The following PKD1 variants were observed in gnomAD, a reference collection of about 807,000 sequenced individuals.
The protein encoded by PKD1 is polycystin 1, transient receptor potential channel interacting.
PKD1 carries 81 observed loss-of-function variants against 361.7 expected under a neutral mutation model. The observed-to-expected ratio is 0.22, with a 90% CI of 0.19 to 0.27. The LOEUF (loss-of-function observed/expected upper bound fraction) is 0.27, where lower values mean the gene tolerates loss of function less well. PKD1 is among the 10% of genes least tolerant of loss of function. The pLI, the probability that PKD1 is intolerant of heterozygous loss-of-function variation, is 1.00. For synonymous variants in PKD1, 3,615 were observed against 2,818.3 expected, an observed-to-expected ratio of 1.28 and a Z score of -8.95; for missense variants, 6,399 against 6,118.3, an observed-to-expected ratio of 1.05 and a Z score of -1.53.
Position 2,113,256 on chromosome 16 carries a change from C to A in PKD1, c.2890G>T (p.Val964Phe), listed in dbSNP as rs770753811. Residue 964 changes from valine (V) to phenylalanine (F), a missense_variant, in exon 12 of 46, where the codon GTC (valine) becomes TTC (phenylalanine). Transcript: ENST00000262304. The stretch of plus-strand genomic sequence containing the variant: ...TTGTCGTTGATGGTCCACCGGAAGA[C>A]CATGTCCGAGCCGGCCTCCACCACG... ...SPVVEAGSDM[V>F]FRWTINDKQS... is the part of the protein sequence containing the mutation. 3.2e-6 allele frequency: 5 copies of A among 1,570,854 alleles called. No individual in the cohort carries two copies. Among genetic ancestry groups the A allele is most frequent in the East Asian group, 4.5e-5 (2 of 44,726 alleles).
At chr16:2,091,397 CG>C in intron 42 of PKD1, 25 bp downstream of exon 42, 2 of 1,100,246 alleles carry the variant, frequency 1.8e-6, no homozygotes, top group Non-Finnish European at 2.2e-6. Context: ...GTGGGAGGCG[CG>C]GGGTCTGGCC....
rs544100161 is a variant in PKD1 at position 2,103,277 on chromosome 16, G to C, written c.8780C>G (p.Thr2927Arg). ...AAGLHLQLNYTLLDGHYLSEE... is the reference protein window; with the variant it reads ...AAGLHLQLNYRLLDGHYLSEE... The stretch of plus-strand genomic sequence containing the variant: ...CCCGCTGCACGCACCGTCCAGCAGC[G>C]TATAGTTGAGCTGCAGATGCAGCCC... The change falls in exon 23 of 46, where the codon ACG becomes AGG. Residue 2927 changes from threonine (T) to arginine (R), a missense_variant. Physicochemically the swap from Thr to Arg is moderately conservative, Grantham distance 71. Transcript: ENST00000262304. 1 of 1,609,500 alleles carries C rather than the reference G, an allele frequency of 6.2e-7. No homozygotes were observed. The highest frequency in any genetic ancestry group is 1.3e-5 in the African/African-American group (1 of 74,840).
In PKD1 at chr16:2,103,914, T is replaced by G; in HGVS notation, c.8162-19A>C. 1.5e-6 allele frequency: 2 copies of G among 1,372,570 alleles called. No homozygotes were observed. The highest frequency in any genetic ancestry group is 1.9e-6 in the Non-Finnish European group (2 of 1,051,242). 85.0% of individuals were successfully genotyped at this position (1,372,570 alleles called of 1,614,324 possible). A position where few individuals can be genotyped will look rare whatever the true frequency, so the allele number is the denominator to read the frequency against. ...AGGTCTCCTGCAGACATGCGTGAGG[T>G]CAGTGCAGAGACAGGGAGGTAGAGG... is the stretch of plus-strand genomic sequence containing the variant. On this transcript the variant is annotated intron_variant, in intron 22 of 45. Coordinates refer to ENST00000262304, the MANE Select transcript of PKD1 (RefSeq NM_001009944.3).
intron 10 of PKD1, 163 bp downstream of exon 10, chr16:2,115,215 G>C: frequency 1.8e-6 from 1 of 564,358 alleles, no homozygotes; most frequent in Non-Finnish European, 2.2e-6. Context: ...CTCCCACTGG[G>C]AGAGGGCCGA....
At position 2,114,741 on chromosome 16, in the gene PKD1, G is replaced by T. The variant is rs1265315435; in HGVS notation, c.2282C>A (p.Thr761Asn). ...LPHLPAQLEG[T>N]WACPACALRL... ...CAGGGCACAGGCAGGGCAGGCCCAA[G>T]TGCCCTCCAGCTGGGCTGGCAAGTG... is the stretch of plus-strand genomic sequence containing the variant. Residue 761 changes from threonine to asparagine, a missense_variant, in exon 11 of 46, where the codon ACT (threonine) becomes AAT (asparagine). Transcript: ENST00000262304. 6.6e-7 allele frequency: 1 copy of T among 1,507,376 alleles called. No individual in the cohort carries two copies. The highest frequency in any genetic ancestry group is 8.9e-7 in the Non-Finnish European group (1 of 1,122,988). The allele number at this position is 1,507,376 out of a possible 1,614,324, so 93.4% of individuals were successfully genotyped here. A position where few individuals can be genotyped will look rare whatever the true frequency, so the allele number is the denominator to read the frequency against.
At chr16:2,107,484 A>T (rs2092382958) in intron 16 of PKD1, 2 of 373,900 alleles carry the variant, frequency 5.3e-6, no homozygotes, top group Non-Finnish European at 1.0e-5. Context: ...CAGCAGCAGG[A>T]GCAGCCACCA....
intron 21 of PKD1, among the ~76,000 whole-genome samples, chr16:2,105,011 G>A (rs1169103738): frequency 6.2e-5 from 7 of 112,130 alleles, no homozygotes; most frequent in African/African-American, 1.4e-4. Flanking sequence ...GGGGAGGAGG[G>A]GAGGGGCTAG....
At chr16:2,092,018 T>G (rs1420131603) in intron 40 of PKD1, 29 bp downstream of exon 40, 8 of 1,612,452 alleles carry the variant, frequency 5.0e-6, no homozygotes, top group Non-Finnish European at 6.8e-6. Context: ...GTCCTTGGCG[T>G]AGACGCCCGG....
chr16:2,092,453 G>C (rs768802201), intron 39 of PKD1, 27 bp downstream of exon 39: 2 of 1,456,862 alleles, frequency 1.4e-6, no homozygotes, highest in Admixed American at 3.4e-5. Context: ...AACGATTTAA[G>C]TCTTGGGGCA....
In PKD1 at chr16:2,089,626, G is replaced by A. The variant is rs953677462; in HGVS notation, c.*101C>T. The A allele has an allele frequency of 2.6e-5, 37 of 1,412,340 alleles. 1 individual carries two copies. Among genetic ancestry groups the A allele is most frequent in the African/African-American group, 5.7e-5 (4 of 70,488 alleles). 87.5% of individuals were successfully genotyped at this position (1,412,340 alleles called of 1,614,324 possible). On this transcript the variant is annotated 3_prime_UTR_variant, in exon 46 of 46. Transcript: ENST00000262304. The stretch of plus-strand genomic sequence containing the variant: ...CCTGCCTGCTCTCTGGGGAACCTAC[G>A]TGCAGCCATTCTGCCTGGCCCTCGG...
chr16:2,112,857 A>G lies in PKD1; in HGVS notation c.3092T>C (p.Leu1031Pro), dbSNP rs758865792. The G allele has an allele frequency of 2.5e-6, 4 of 1,605,924 alleles. No homozygotes were observed. The Admixed American group carries it at 6.7e-5, about 27-fold the overall frequency. ...GLQVSTVPAVLSPNATLALTA... is the reference protein window; with the variant it reads ...GLQVSTVPAVPSPNATLALTA... ...CAGTGCTAGCGTGGCATTGGGGGAC[A>G]GCACGGCCGGCACTGTGGAGACCTG... Residue 1031 changes from leucine to proline, a missense_variant, in exon 13 of 46, where the codon CTG (leucine) becomes CCG (proline). Leu to Pro is a moderately conservative substitution (Grantham distance 98). Transcript: ENST00000262304.
chr16:2,116,556 G>A lies in PKD1; in HGVS notation c.1695C>T (p.Gly565=), dbSNP rs1473791668. The A allele has an allele frequency of 1.3e-6, 2 of 1,561,298 alleles. No homozygotes were observed. The highest frequency in any genetic ancestry group is 2.3e-5 in the East Asian group (1 of 42,682). Residue 565 remains glycine (G), a synonymous_variant, in exon 8 of 46, where the codon GGC becomes GGT. Coordinates refer to ENST00000262304, the MANE Select transcript of PKD1 (RefSeq NM_001009944.3). ...GPLTPLAQQD[G]LSAPHEPVEV... is the part of the protein sequence containing the mutation. ...CCACGGGCTCGTGCGGGGCTGAGAG[G>A]CCGTCCTGCTGTGCCAGAGGCGTCA... is the stretch of plus-strand genomic sequence containing the variant.
chr16:2,129,071 C>A (rs374842840), intron 1 of PKD1, among the ~76,000 whole-genome samples: 1 of 151,914 alleles, frequency 6.6e-6, no homozygotes, highest in African/African-American at 2.4e-5. Flanking sequence ...CCATGTTGGT[C>A]AGGCTGGTCA....
rs1174731485 is a variant in PKD1 at position 2,118,335 on chromosome 16, C to T, written c.657G>A (p.Gln219=). 2 of 1,479,108 alleles carry T rather than the reference C, an allele frequency of 1.4e-6. No individual in the cohort carries two copies. The highest frequency in any genetic ancestry group is 2.8e-5 in the African/African-American group (2 of 71,926). The allele number at this position is 1,479,108 out of a possible 1,614,324, so 91.6% of individuals were successfully genotyped here. The change falls in exon 5 of 46, where the codon CAG becomes CAA. Residue 219 remains glutamine, a synonymous_variant. Transcript: ENST00000262304. The surrounding 1 kb of genome is among the most constrained non-coding windows in gnomAD (Gnocchi z 6.0). ...ACSAFCFSTG[Q]GLAALSEQGW... ...CCTGCTCCGAGAGGGCTGCGAGGCC[C>T]TGGCCGGTGGAGAAGCAGAAGGCGC...
rs1304501387 is a variant in PKD1 at position 2,100,115 on chromosome 16, G to A, written c.9713-44C>T. 29 of 1,604,784 alleles carry A rather than the reference G, an allele frequency of 1.8e-5. No homozygotes were observed. The highest frequency in any genetic ancestry group is 5.4e-5 in the African/African-American group (4 of 74,700). ...CGCACTGCAGGAGGCCACGGGGCAGGACCACCCTGCCCAACCTCCCACGGA... is the reference window on the plus strand; with the variant it reads ...CGCACTGCAGGAGGCCACGGGGCAGAACCACCCTGCCCAACCTCCCACGGA... On this transcript the variant is annotated intron_variant, in intron 28 of 45. Transcript: ENST00000262304. The surrounding 1 kb of genome is among the most constrained non-coding windows in gnomAD (Gnocchi z 4.4).
Position 2,111,337 on chromosome 16 carries a change from G to A in PKD1, c.3830C>T (p.Ala1277Val), listed in dbSNP as rs2575315. The A allele has an allele frequency of 3.1e-6, 5 of 1,608,952 alleles. No individual in the cohort carries two copies. The Admixed American group carries it at 5.0e-5, about 16-fold the overall frequency. ...CCGGGCCAGGTGGCCGGCGGGGCTG[G>A]CCGCACCCACGGTCACTGTGCAGTT... ...AQNCTVTVGA[A>V]SPAGHLARSL... Residue 1277 changes from alanine to valine, a missense_variant, in exon 15 of 46, where the codon GCC becomes GTC. Transcript: ENST00000262304.
At position 2,109,356 on chromosome 16, in the gene PKD1, G is replaced by A; in HGVS notation, c.5811C>T (p.Ser1937=). The change falls in exon 15 of 46, where the codon TCC becomes TCT. Residue 1937 remains serine (S), a synonymous_variant. Transcript: ENST00000262304. ...NPEVLPGPRF[S]HSFPRVGDHV... ...GGTCTCCGACGCGGGGGAAGCTGTG[G>A]GAGAAACGGGGCCCGGGGAGCACCT... 1 of 1,592,216 alleles carries A rather than the reference G, an allele frequency of 6.3e-7. No individual in the cohort carries two copies.
rs2091577518 is a variant in PKD1, at chr16:2,091,526, C to T, written c.11609G>A (p.Arg3870His). 2.7e-6 allele frequency: 4 copies of T among 1,488,096 alleles called. No individual in the cohort carries two copies. Among genetic ancestry groups the T allele is most frequent in the Non-Finnish European group, 3.5e-6 (4 of 1,131,798 alleles). The allele number at this position is 1,488,096 out of a possible 1,614,324, so 92.2% of individuals were successfully genotyped here. ...GCGGCCGGCCGCCGGGAACTCGAGGCGCAGCGTGACGGCGGCGTGCAGCCC... is the reference window on the plus strand; with the variant it reads ...GCGGCCGGCCGCCGGGAACTCGAGGTGCAGCGTGACGGCGGCGTGCAGCCC... ...AVGLHAAVTL[R>H]LEFPAAGRAL... The change falls in exon 42 of 46, where the codon CGC (arginine) becomes CAC (histidine). Residue 3870 changes from arginine to histidine, a missense_variant. Coordinates refer to ENST00000262304, the MANE Select transcript of PKD1 (RefSeq NM_001009944.3).
In PKD1 at chr16:2,093,256, A is replaced by C. The variant is rs534265528; in HGVS notation, c.11017-163T>G. 14 of 831,136 alleles carry C rather than the reference A, an allele frequency of 1.7e-5. No individual in the cohort carries two copies. The South Asian group carries it at 2.0e-4, about 12-fold the overall frequency. 51.5% of individuals were successfully genotyped at this position (831,136 alleles called of 1,614,324 possible). ...CCTGGCCAGGGTAATGGCAGCACACACCCTGCCCGGAACCCCACCTGGGGG... is the reference window on the plus strand; with the variant it reads ...CCTGGCCAGGGTAATGGCAGCACACCCCCTGCCCGGAACCCCACCTGGGGG... On this transcript the variant is annotated intron_variant, in intron 37 of 45. Transcript: ENST00000262304.
Sources: allele counts gnomAD v4.1 joint callset (sites outside exome capture counted in the v4.1 genomes callset), GRCh38; gene constraint gnomAD v4.1.1; non-coding constraint Gnocchi (gnomAD v3.1); transcripts MANE v1.5; gene names NCBI Gene and HGNC (gene_info 2026-07-23, HGNC 2026-07-21).